Variants in SPATA17 observed in about 807,000 individuals in gnomAD.
SPATA17 encodes spermatogenesis-associated protein 17.
In SPATA17, 53 loss-of-function variants were observed where a neutral mutation model predicts 62.2. The observed-to-expected ratio is 0.85, with a 90% confidence interval of 0.68 to 1.07. The LOEUF is 1.07. Ranked by LOEUF, SPATA17 falls within the 50% of genes least tolerant of loss-of-function variation. The pLI is 0.00. For missense variants in SPATA17, 466 were observed against 425.5 expected (o/e 1.10, Z -0.84); for synonymous variants, 146 against 146.8 (o/e 0.99, Z 0.04).
intron 9 of SPATA17, among the ~76,000 whole-genome samples, chr1:217,847,167 CA>C (rs898277101): frequency 2.6e-5 from 4 of 151,534 alleles, no homozygotes; most frequent in African/African-American, 9.7e-5. Flanking sequence ...TTTTATTGTT[CA>C]AAAAATAATA....
chr1:217,810,350 T>C (rs1417765291), intron 9 of SPATA17, among the ~76,000 whole-genome samples: 1 of 152,166 alleles, frequency 6.6e-6, no homozygotes, highest in African/African-American at 2.4e-5. Flanking sequence ...GTCTCATGTA[T>C]TAGTCTGTTT....
In SPATA17 at chr1:217,662,872, TATAAG is replaced by T. The variant is rs565992388; in HGVS notation, c.241-6156_241-6152del. 9.9e-5 allele frequency among the ~76,000 whole-genome samples: 15 copies of T among 152,272 alleles called. No individual in the cohort carries two copies. In the East Asian group the frequency reaches 2.9e-3, roughly 29 times the overall value. The stretch of plus-strand genomic sequence containing the variant: ...TTCTTTATAGGACTTCCAAATCAGT[TATAAG>T]ATAATAAGGCAGCATTCTTCACCTT... On this transcript the variant is annotated intron_variant, in intron 3 of 10. Coordinates refer to ENST00000366933, the MANE Select transcript of SPATA17 (RefSeq NM_138796.4).
At chr1:217,633,907 G>C (rs1222952848) in intron 1 of SPATA17, among the ~76,000 whole-genome samples, 1 of 152,252 alleles carries the variant, frequency 6.6e-6, no homozygotes, top group East Asian at 1.9e-4. Flanking sequence ...GAAGTCCAAT[G>C]TGGAAACGAG....
chr1:217,649,748 T>TC (rs1670264002), intron 2 of SPATA17, among the ~76,000 whole-genome samples: 2 of 146,378 alleles, frequency 1.4e-5, no homozygotes, highest in African/African-American at 5.0e-5. Context: ...TTTTTTTTTT[T>TC]CAGTGCCCAA....
chr1:217,823,322 GA>G (rs1370391402), intron 9 of SPATA17, among the ~76,000 whole-genome samples: 3 of 152,090 alleles, frequency 2.0e-5, no homozygotes, highest in African/African-American at 7.2e-5. Context: ...ACTAAGAACG[GA>G]ATGGGTAGAT....
intron 5 of SPATA17, among the ~76,000 whole-genome samples, chr1:217,724,126 T>C (rs571977592): frequency 3.3e-5 from 5 of 152,366 alleles, no homozygotes; most frequent in African/African-American, 1.2e-4. Flanking sequence ...GCCTATAGTA[T>C]ACATGTATGT....
At chr1:217,860,985 T>C (rs568998815) in intron 9 of SPATA17, among the ~76,000 whole-genome samples, 2 of 152,272 alleles carry the variant, frequency 1.3e-5, no homozygotes, top group South Asian at 4.1e-4. Context: ...AAAATTTTTC[T>C]GTAGCGATTG....
chr1:217,794,015 G>T (rs11117938), intron 8 of SPATA17, among the ~76,000 whole-genome samples: 1 of 150,540 alleles, frequency 6.6e-6, no homozygotes, highest in Admixed American at 6.6e-5. Flanking sequence ...ACTCTGGAGG[G>T]TAAGGCAGGA....
At chr1:217,839,674 TA>T (rs907091817) in intron 9 of SPATA17, among the ~76,000 whole-genome samples, 10 of 152,082 alleles carry the variant, frequency 6.6e-5, no homozygotes, top group African/African-American at 2.4e-4. Context: ...TCAATCTTGC[TA>T]AAGGTAGCAA....
intron 5 of SPATA17, among the ~76,000 whole-genome samples, chr1:217,693,161 A>G (rs1343044599): frequency 2.0e-5 from 3 of 151,318 alleles, no homozygotes; most frequent in Non-Finnish European, 4.4e-5. Flanking sequence ...TATTGCCACA[A>G]TTTCAGCTCC....
intron 6 of SPATA17, among the ~76,000 whole-genome samples, chr1:217,759,162 CA>C (rs1243136417): frequency 1.3e-5 from 2 of 152,006 alleles, no homozygotes; most frequent in African/African-American, 2.4e-5. Flanking sequence ...ATTCAGATTA[CA>C]AAAAAGTAGA....
chr1:217,697,509 G>T (rs965026591), intron 5 of SPATA17, among the ~76,000 whole-genome samples: 3 of 151,992 alleles, frequency 2.0e-5, no homozygotes, highest in African/African-American at 7.3e-5. Context: ...ATCAGAAAAT[G>T]GCATCTGTTC....
intron 5 of SPATA17, among the ~76,000 whole-genome samples, chr1:217,683,836 T>G (rs1671157805): frequency 6.6e-6 from 1 of 151,956 alleles, no homozygotes; most frequent in South Asian, 2.1e-4. Flanking sequence ...ATTATTATAT[T>G]AAAAAAATCT....
In SPATA17 at chr1:217,631,454, A is replaced by C. The variant is rs1669768188; in HGVS notation, c.68+8A>C. The C allele has an allele frequency of 6.2e-7, 1 of 1,614,114 alleles. No homozygotes were observed. The highest frequency in any genetic ancestry group is 8.5e-7 in the Non-Finnish European group (1 of 1,179,960). ...GTACTACTTTAGGAACAGGTAAGTCAGGAAGAGAAGGATCGCGTAAAGGGC... is the reference window on the plus strand; with the variant it reads ...GTACTACTTTAGGAACAGGTAAGTCCGGAAGAGAAGGATCGCGTAAAGGGC... On this transcript the variant is annotated splice_region_variant and intron_variant, in intron 1 of 10. Coordinates refer to ENST00000366933, the MANE Select transcript of SPATA17 (RefSeq NM_138796.4).
intron 8 of SPATA17, among the ~76,000 whole-genome samples, chr1:217,791,719 T>C (rs1234828544): frequency 6.6e-6 from 1 of 152,216 alleles, no homozygotes; most frequent in African/African-American, 2.4e-5. Flanking sequence ...ATTTGGACTT[T>C]ATGTGGTAGA....
chr1:217,750,869 C>A (rs1011231112), intron 6 of SPATA17, among the ~76,000 whole-genome samples: 1 of 152,170 alleles, frequency 6.6e-6, no homozygotes, highest in Non-Finnish European at 1.5e-5. Flanking sequence ...AAGCAACCTG[C>A]GCAAGGTCAC....
chr1:217,766,456 T>A (rs945751183), intron 6 of SPATA17, among the ~76,000 whole-genome samples: 3 of 151,976 alleles, frequency 2.0e-5, no homozygotes, highest in African/African-American at 7.2e-5. Flanking sequence ...GTAGTACAAG[T>A]ACCTTATAAT....
At chr1:217,831,556 A>G (rs1355991798) in intron 9 of SPATA17, among the ~76,000 whole-genome samples, 1 of 152,194 alleles carries the variant, frequency 6.6e-6, no homozygotes, top group Admixed American at 6.6e-5. Context: ...TTTAATTAGT[A>G]TTTAAAAGAT....
chr1:217,858,412 A>G (rs1475496479), intron 9 of SPATA17, among the ~76,000 whole-genome samples: 1 of 152,188 alleles, frequency 6.6e-6, no homozygotes, highest in African/African-American at 2.4e-5. Flanking sequence ...GTCTTGTTTA[A>G]TCACAATCCT....
Sources: gnomAD v4.1 joint callset for allele counts (sites outside exome capture counted in the v4.1 genomes callset) on GRCh38, gnomAD v4.1.1 for gene constraint, MANE v1.5 for transcripts, NCBI Gene and HGNC (gene_info 2026-07-23, HGNC 2026-07-21) for gene names.